TUBGCP4: variants seen among roughly 807,000 people sequenced by gnomAD.
The protein encoded by TUBGCP4 is gamma-tubulin complex component 4.
Under a neutral mutation model 91.6 loss-of-function variants are expected in TUBGCP4, and 54 were observed. That is an observed-to-expected ratio of 0.59 (90% confidence interval 0.47 to 0.74). The LOEUF is 0.74. TUBGCP4 is among the 30% of genes least tolerant of loss of function. The pLI is 0.00. For synonymous variants in TUBGCP4, 297 were observed against 302.8 expected (o/e 0.98, Z 0.20); for missense variants, 593 against 800.9 (o/e 0.74, Z 3.13).
intron 9 of TUBGCP4, among the ~76,000 whole-genome samples, chr15:43,393,232 A>G (rs1000381121): frequency 2.7e-5 from 4 of 145,572 alleles, no homozygotes; most frequent in Admixed American, 2.7e-4. Flanking sequence ...TTTTTTTAAG[A>G]CGGAGTCTTG....
intron 9 of TUBGCP4, among the ~76,000 whole-genome samples, chr15:43,393,270 C>T (rs1402482114): frequency 1.4e-5 from 2 of 147,906 alleles, no homozygotes; most frequent in African/African-American, 5.0e-5. Context: ...AGTGCAGTGG[C>T]GCGGTCTCTG....
intron 9 of TUBGCP4, among the ~76,000 whole-genome samples, chr15:43,388,278 C>A (rs1333305673): frequency 6.6e-6 from 1 of 152,162 alleles, no homozygotes; most frequent in Non-Finnish European, 1.5e-5. Flanking sequence ...CATCAAATCT[C>A]CATGGGTTAG....
At position 43,386,345 on chromosome 15, in the gene TUBGCP4, G is replaced by GTATATATA. The variant is rs542775386; in HGVS notation, c.1014+41_1014+48dup. On this transcript the variant is annotated intron_variant, in intron 9 of 17. Coordinates refer to ENST00000564079, the MANE Select transcript of TUBGCP4 (RefSeq NM_014444.5). ...CTGTGGCTGAGGTTTGTGTTTCATC[G>GTATATATA]TATATATATATATATATATATATAT... The GTATATATA allele has an allele frequency of 1.9e-5, 6 of 317,716 alleles. No individual in the cohort carries two copies. The highest frequency in any genetic ancestry group is 6.8e-5 in the African/African-American group (1 of 14,626). The allele number at this position is 317,716 out of a possible 1,614,324, so 19.7% of individuals were successfully genotyped here. A position where few individuals can be genotyped will look rare whatever the true frequency, so the allele number is the denominator to read the frequency against.
At chr15:43,380,201 G>A (rs1272670135) in intron 6 of TUBGCP4, 38 bp downstream of exon 6, 4 of 1,557,852 alleles carry the variant, frequency 2.6e-6, no homozygotes, top group Admixed American at 1.7e-5. Context: ...TGGTGGAGGT[G>A]GGTGGTCAAA....
intron 9 of TUBGCP4, among the ~76,000 whole-genome samples, chr15:43,392,876 T>A (rs35158584): frequency 1.3e-5 from 2 of 152,092 alleles, no homozygotes. Context: ...CATATTTACC[T>A]GATACACTCT....
At chr15:43,379,365 G>T (rs1392580059) in intron 5 of TUBGCP4, among the ~76,000 whole-genome samples, 1 of 152,184 alleles carries the variant, frequency 6.6e-6, no homozygotes, top group African/African-American at 2.4e-5. Flanking sequence ...CTGGGGACCG[G>T]GCATGGTGGC....
chr15:43,386,156 T>C, intron 8 of TUBGCP4, 50 bp from the exon 9 acceptor site: 2 of 1,562,976 alleles, frequency 1.3e-6, no homozygotes, highest in African/African-American at 2.7e-5. Flanking sequence ...AAACCCTAAC[T>C]GTCCTGGGTA....
intron 9 of TUBGCP4, 43 bp downstream of exon 9, chr15:43,386,373 AT>A (rs2044368561): frequency 2.2e-5 from 1 of 45,396 alleles, no homozygotes; most frequent in Non-Finnish European, 4.0e-5. Flanking sequence ...ATATATATAT[AT>A]ATATTTTTTT....
intron 5 of TUBGCP4, among the ~76,000 whole-genome samples, chr15:43,379,331 C>T (rs1250949910): frequency 6.6e-6 from 1 of 152,116 alleles, no homozygotes; most frequent in African/African-American, 2.4e-5. Flanking sequence ...GTAAATTATA[C>T]CTCAAAGTGG....
intron 1 of TUBGCP4, 94 bp downstream of exon 1, chr15:43,371,526 G>A (rs1448496883): frequency 1.6e-6 from 2 of 1,262,882 alleles, no homozygotes; most frequent in African/African-American, 1.5e-5. Flanking sequence ...CTAGCGAGCG[G>A]GGCTTCCAGG....
At chr15:43,382,734 A>ATT (rs993735950) in intron 6 of TUBGCP4, among the ~76,000 whole-genome samples, 30 of 152,172 alleles carry the variant, frequency 2.0e-4, no homozygotes, top group African/African-American at 7.2e-4. Context: ...ATAGAGGTAC[A>ATT]TTTTCCCCTT....
chr15:43,403,635 G>T, intron 15 of TUBGCP4, 48 bp from the exon 16 acceptor site: 2 of 1,355,492 alleles, frequency 1.5e-6, no homozygotes, highest in South Asian at 2.4e-5. Flanking sequence ...TTAACTTCAT[G>T]GATGTACCTT....
chr15:43,404,711 G>T (rs2044799708), intron 17 of TUBGCP4, 159 bp downstream of exon 17: 2 of 768,518 alleles, frequency 2.6e-6, no homozygotes, highest in Admixed American at 5.9e-5. Flanking sequence ...TTTTAATGGA[G>T]GTTATTTTCT....
rs752135261 is a variant in TUBGCP4, at chr15:43,409,601, C to T, written c.*4387C>T. 2 of 1,078,496 alleles carry T rather than the reference C, an allele frequency of 1.9e-6. No individual in the cohort carries two copies. Among genetic ancestry groups the T allele is most frequent in the South Asian group, 1.7e-5 (1 of 58,280 alleles). The allele number at this position is 1,078,496 out of a possible 1,614,324, so 66.8% of individuals were successfully genotyped here. On this transcript the variant is annotated 3_prime_UTR_variant, in exon 18 of 18. Coordinates refer to ENST00000564079, the MANE Select transcript of TUBGCP4 (RefSeq NM_014444.5). ...GCCTCTTCTCAACACAGCAAGTTGG[C>T]TCTTATCATTGCCACTATATTAGGT...
rs1386675045 is a variant in TUBGCP4, at chr15:43,407,793, T to TGACTC, written c.*2580_*2584dup. On this transcript the variant is annotated 3_prime_UTR_variant, in exon 18 of 18. Transcript: ENST00000564079. ...TATACGTCCAGTGCTTCACTTATGTTGACTCACCTCTTGAAGGTGGTACTT... is the reference window on the plus strand; with the variant it reads ...TATACGTCCAGTGCTTCACTTATGTTGACTCGACTCACCTCTTGAAGGTGGTACTT... 1 of 850,738 alleles carries TGACTC rather than the reference T, an allele frequency of 1.2e-6. No homozygotes were observed. Among genetic ancestry groups the TGACTC allele is most frequent in the African/African-American group, 1.7e-5 (1 of 59,232 alleles). The allele number at this position is 850,738 out of a possible 1,614,324, so 52.7% of individuals were successfully genotyped here. A position where few individuals can be genotyped will look rare whatever the true frequency, so the allele number is the denominator to read the frequency against.
Position 43,373,547 on chromosome 15 carries a change from C to G in TUBGCP4, c.78+2115C>G, listed in dbSNP as rs148090828. On this transcript the variant is annotated intron_variant, in intron 1 of 17. Transcript: ENST00000564079. ...TTTCTTCAGTTTATAGGTATGAAAACAGGCACAGACAGGTATAGTAACTTG... is the reference window on the plus strand; with the variant it reads ...TTTCTTCAGTTTATAGGTATGAAAAGAGGCACAGACAGGTATAGTAACTTG... Among the ~76,000 whole-genome samples the G allele has an allele frequency of 2.8e-4, 42 of 152,092 alleles. No homozygotes were observed. In the East Asian group the frequency reaches 6.4e-3, roughly 23 times the overall value.
rs774026240 is a variant in TUBGCP4 at position 43,408,606 on chromosome 15, G to C, written c.*3392G>C. 8 of 373,448 alleles carry C rather than the reference G, an allele frequency of 2.1e-5. No homozygotes were observed. Among genetic ancestry groups the C allele is most frequent in the African/African-American group, 4.1e-5 (2 of 49,306 alleles). 23.1% of individuals were successfully genotyped at this position (373,448 alleles called of 1,614,324 possible). ...TGGGGCTGAGAATAATCCAAATCATGCTCCTGAGCCTATATATTTTTAATG... is the reference window on the plus strand; with the variant it reads ...TGGGGCTGAGAATAATCCAAATCATCCTCCTGAGCCTATATATTTTTAATG... On this transcript the variant is annotated 3_prime_UTR_variant, in exon 18 of 18. Coordinates refer to ENST00000564079, the MANE Select transcript of TUBGCP4 (RefSeq NM_014444.5).
intron 13 of TUBGCP4, 97 bp from the exon 14 acceptor site, chr15:43,399,947 G>A: frequency 2.5e-6 from 2 of 796,628 alleles, no homozygotes; most frequent in Non-Finnish European, 3.8e-6. Context: ...GCCTGTTTGT[G>A]AGAGGAGTGG....
At chr15:43,399,913 A>C in intron 13 of TUBGCP4, 131 bp from the exon 14 acceptor site, 1 of 567,492 alleles carries the variant, frequency 1.8e-6, no homozygotes, top group South Asian at 2.9e-5. Flanking sequence ...ATTTGTCTAC[A>C]TCTCTAGTCA....
Sources: allele counts gnomAD v4.1 joint callset (sites outside exome capture counted in the v4.1 genomes callset), GRCh38; gene constraint gnomAD v4.1.1; transcripts MANE v1.5; gene names NCBI Gene and HGNC (gene_info 2026-07-23, HGNC 2026-07-21).